The following MCM8 variants were observed in gnomAD, a reference collection of about 807,000 sequenced individuals.
MCM8 encodes the protein DNA helicase MCM8.
MCM8 carries 85 observed loss-of-function variants against 98.9 expected under a neutral mutation model. The ratio of observed to expected loss-of-function variants is 0.86; its 90% CI spans 0.72 to 1.03. The LOEUF is 1.03. MCM8 is among the 50% of genes least tolerant of loss of function. The pLI, the probability that MCM8 is intolerant of heterozygous loss-of-function variation, is 0.00. For synonymous variants in MCM8, 352 were observed against 338.6 expected, an observed-to-expected ratio of 1.04 and a Z score of -0.44; for missense variants, 951 against 997.8, an observed-to-expected ratio of 0.95 and a Z score of 0.63.
chr20:5,984,711 T>C, intron 14 of MCM8, 70 bp from the exon 15 acceptor site: 1 of 1,279,836 alleles, frequency 7.8e-7, no homozygotes, highest in Non-Finnish European at 1.1e-6. Flanking sequence ...AGTAAATAAG[T>C]GAGTAGACAG....
rs771539049 is a variant in MCM8 at position 5,986,120 on chromosome 20, C to A, written c.2152C>A (p.Arg718Ser). 3 of 1,614,092 alleles carry A rather than the reference C, an allele frequency of 1.9e-6. No individual in the cohort carries two copies. The highest frequency in any genetic ancestry group is 2.5e-6 in the Non-Finnish European group (3 of 1,179,990). Residue 718 changes from arginine (R) to serine (S), a missense_variant, in exon 16 of 19, where the codon CGT (arginine) becomes AGT (serine). Physicochemically the swap from Arg to Ser is moderately radical, Grantham distance 110. Transcript: ENST00000610722. ...TACCAGGCAGCTGGAATCTTTGATT[C>A]GTCTGACAGAGGTTTGTTTCTTTTT... Reference protein sequence around the residue: ...ITTRQLESLIRLTEARARLEL... With the variant: ...ITTRQLESLISLTEARARLEL...
At chr20:5,956,976 AATTAAAT>A (rs1480049381) in intron 5 of MCM8, 143 bp from the exon 6 acceptor site, 2 of 421,840 alleles carry the variant, frequency 4.7e-6, no homozygotes, top group Non-Finnish European at 8.4e-6. Context: ...AAGTAGTCAT[AATTAAAT>A]ATTAGATATT....
rs757570091 is a variant in MCM8, at chr20:5,985,989, G to T, written c.2021G>T (p.Arg674Leu). 1.1e-5 allele frequency: 18 copies of T among 1,614,028 alleles called. No homozygotes were observed. Among genetic ancestry groups the T allele is most frequent in the Non-Finnish European group, 1.5e-5 (18 of 1,180,038 alleles). ...QLLRKYIGYA[R>L]QYVYPRLSTE... ...TTGAGAAAGTACATTGGCTATGCTC[G>T]GCAGTATGTGTACCCAAGGCTATCC... Residue 674 changes from arginine (R) to leucine (L), a missense_variant, in exon 16 of 19, where the codon CGG (arginine) becomes CTG (leucine). Transcript: ENST00000610722.
At chr20:5,959,932 G>C (rs113861541) in intron 7 of MCM8, among the ~76,000 whole-genome samples, 3,670 of 152,012 alleles carry the variant, frequency 0.024, 130 homozygotes, top group African/African-American at 0.077. Context: ...CTCCTGACCT[G>C]GTGATCCGCC....
chr20:5,961,317 G>A (rs1461639079), intron 7 of MCM8, among the ~76,000 whole-genome samples: 1 of 152,084 alleles, frequency 6.6e-6, no homozygotes, highest in Non-Finnish European at 1.5e-5. Flanking sequence ...TTTCCTCGGT[G>A]GTACCCAGAG....
chr20:5,987,218 C>A, intron 16 of MCM8, 64 bp from the exon 17 acceptor site: 1 of 1,485,526 alleles, frequency 6.7e-7, no homozygotes, highest in Non-Finnish European at 9.3e-7. Context: ...TGAAGTAAAG[C>A]TTAGACATAC....
chr20:5,991,320 A>G (rs940927720), intron 17 of MCM8: 1 of 152,174 alleles, frequency 6.6e-6, no homozygotes, highest in Non-Finnish European at 1.5e-5. Context: ...GCATGTCTGA[A>G]TACTCATGTT....
intron 17 of MCM8, 78 bp from the exon 18 acceptor site, chr20:5,993,428 T>A: frequency 8.1e-7 from 1 of 1,240,160 alleles, no homozygotes; most frequent in Non-Finnish European, 1.1e-6. Flanking sequence ...AAATTTTTCT[T>A]CTGTAACCTG....
intron 1 of MCM8, among the ~76,000 whole-genome samples, chr20:5,951,776 C>T (rs1182622986): frequency 2.6e-5 from 4 of 152,092 alleles, no homozygotes; most frequent in South Asian, 4.1e-4. Context: ...GTCTAGTATA[C>T]GTAAACCATA....
At chr20:5,983,276 G>T in intron 14 of MCM8, 111 bp downstream of exon 14, 1 of 929,986 alleles carries the variant, frequency 1.1e-6, no homozygotes, top group South Asian at 1.9e-5. Context: ...TTTCACAGAA[G>T]TTATAAATGT....
chr20:5,994,299 GT>G lies in MCM8; in HGVS notation c.2433del (p.Ala812LeufsTer10). ...RQIAKELNIQVADFENFIGSL... is the reference protein window; with the variant it reads ...RQIAKELNIQXADFENFIGSL... ...TAAACCTTTTGATGTTTTCTTCCAG[GT>G]TGCTGATTTTGAAAATTTTATTGGA... On this transcript the variant is annotated frameshift_variant and splice_region_variant, in exon 19 of 19. Transcript: ENST00000610722. LOFTEE classifies it high-confidence loss of function. 6.3e-7 allele frequency: 1 copy of G among 1,587,392 alleles called. No homozygotes were observed. The highest frequency in any genetic ancestry group is 1.1e-5 in the South Asian group (1 of 86,998).
chr20:5,975,246 A>G (rs2089483971), intron 12 of MCM8, among the ~76,000 whole-genome samples: 1 of 151,882 alleles, frequency 6.6e-6, no homozygotes, highest in Admixed American at 6.6e-5. Flanking sequence ...GCAATAGAGC[A>G]AGACCCTGTC....
At position 5,985,998 on chromosome 20, in the gene MCM8, T is replaced by C. The variant is rs201911318; in HGVS notation, c.2030T>C (p.Val677Ala). 2.5e-5 allele frequency: 41 copies of C among 1,614,140 alleles called. No individual in the cohort carries two copies. In the Admixed American group the frequency reaches 6.3e-4, roughly 25 times the overall value. Residue 677 changes from valine (V) to alanine (A), a missense_variant, in exon 16 of 19, where the codon GTG (valine) becomes GCG (alanine). Physicochemically the swap from Val to Ala is moderately conservative, Grantham distance 64. Transcript: ENST00000610722. ...TACATTGGCTATGCTCGGCAGTATG[T>C]GTACCCAAGGCTATCCACAGAAGCT... ...RKYIGYARQY[V>A]YPRLSTEAAR...
intron 7 of MCM8, among the ~76,000 whole-genome samples, 181 bp downstream of exon 7, chr20:5,958,907 C>CAG (rs1465975473): frequency 6.6e-6 from 1 of 152,010 alleles, no homozygotes; most frequent in Non-Finnish European, 1.5e-5. Context: ...TAAAACATTC[C>CAG]ACTACTCATC....
rs1432858121 is a variant in MCM8, at chr20:5,950,706, T to A, written c.-323T>A. The A allele has an allele frequency of 3.3e-6, 1 of 298,802 alleles. No individual in the cohort carries two copies. 18.5% of individuals were successfully genotyped at this position (298,802 alleles called of 1,614,324 possible). A position where few individuals can be genotyped will look rare whatever the true frequency, so the allele number is the denominator to read the frequency against. ...CCAAAAAAGAATTTAGGGGAAGACC[T>A]GATTTTCGCTTGAGGCATTTTTGCG... On this transcript the variant is annotated 5_prime_UTR_variant, in exon 1 of 19. Transcript: ENST00000610722.
chr20:5,957,560 T>G (rs1173728693), intron 6 of MCM8, among the ~76,000 whole-genome samples: 1 of 152,208 alleles, frequency 6.6e-6, no homozygotes, highest in African/African-American at 2.4e-5. Flanking sequence ...ATCTGAAATC[T>G]GAAATGCTCC....
chr20:5,987,606 A>G (rs2089760035), intron 17 of MCM8, among the ~76,000 whole-genome samples: 2 of 152,186 alleles, frequency 1.3e-5, no homozygotes, highest in Admixed American at 1.3e-4. Flanking sequence ...GAGAAGAGCT[A>G]TTTACCACCT....
In MCM8 at chr20:5,989,873, G is replaced by A. The variant is rs575998203; in HGVS notation, c.2240+2515G>A. Reference sequence around the variant, plus strand: ...TCAGTCTCAGAGTTTGTAAGCAACCGTGAGGTTCTACTGGCTGTCTTTGAA... The same window carrying A: ...TCAGTCTCAGAGTTTGTAAGCAACCATGAGGTTCTACTGGCTGTCTTTGAA... On this transcript the variant is annotated intron_variant, in intron 17 of 18. Transcript: ENST00000610722. Among the ~76,000 whole-genome samples the A allele has an allele frequency of 6.6e-5, 10 of 152,298 alleles. No homozygotes were observed. The East Asian group carries it at 7.7e-4, about 12-fold the overall frequency.
At chr20:5,965,288 T>A (rs1031400623) in intron 8 of MCM8, 1 of 152,250 alleles carries the variant, frequency 6.6e-6, no homozygotes, top group African/African-American at 2.4e-5. Context: ...TGGAACTGGC[T>A]GGACAGTTTA....
Sources: allele counts gnomAD v4.1 joint callset (sites outside exome capture counted in the v4.1 genomes callset), GRCh38; gene constraint gnomAD v4.1.1; transcripts MANE v1.5; gene names NCBI Gene and HGNC (gene_info 2026-07-23, HGNC 2026-07-21).